Variants in CORO2B observed in about 807,000 individuals in gnomAD.
The protein encoded by CORO2B is coronin-2B.
In CORO2B, 26 loss-of-function variants were observed where a neutral mutation model predicts 58.8. The observed-to-expected ratio is 0.44, with a 90% confidence interval of 0.32 to 0.61. The LOEUF (loss-of-function observed/expected upper bound fraction) is 0.61, where lower values mean the gene tolerates loss of function less well. CORO2B is among the 20% of genes least tolerant of loss of function. The pLI, the probability that CORO2B is intolerant of heterozygous loss-of-function variation, is 0.04. For synonymous variants in CORO2B, 242 were observed against 253.8 expected (o/e 0.95, Z 0.44); for missense variants, 460 against 645.1 (o/e 0.71, Z 3.11).
chr15:68,592,498 C>A (rs186889338), intron 1 of CORO2B, among the ~76,000 whole-genome samples: 49 of 152,224 alleles, frequency 3.2e-4, no homozygotes, highest in African/African-American at 1.2e-3. Flanking sequence ...TACATGAATG[C>A]ATACATGTAT....
Position 68,645,024 on chromosome 15 carries a change from C to T in CORO2B, c.16-136C>T. 1 of 799,186 alleles carries T rather than the reference C, an allele frequency of 1.3e-6. No homozygotes were observed. The highest frequency in any genetic ancestry group is 2.0e-6 in the Non-Finnish European group (1 of 507,020). 49.5% of individuals were successfully genotyped at this position (799,186 alleles called of 1,614,324 possible). ...TTCTTGGATGCTTCTTCCTTTCCAT[C>T]TCTTCCTGACAGGGGACCCAGGGCC... On this transcript the variant is annotated intron_variant, in intron 1 of 11. Transcript: ENST00000261861. This position sits in a 1 kb window ranked among gnomAD's most constrained non-coding sequence, Gnocchi z 4.5.
intron 2 of CORO2B, among the ~76,000 whole-genome samples, chr15:68,651,687 C>T (rs72748523): frequency 0.013 from 1,946 of 152,216 alleles, 18 homozygotes; most frequent in Non-Finnish European, 0.021. Flanking sequence ...AAGTTTTTTC[C>T]CTCCACTATC....
the CORO2B span, among the ~76,000 whole-genome samples, chr15:68,570,799 GTTTTTTTTTTTTTTT>G: frequency 1.3e-5 from 1 of 78,772 alleles, no homozygotes; most frequent in Non-Finnish European, 2.2e-5. Flanking sequence ...ACTACACGTA[GTTTTTTTTTTTTTTT>G]TTTTTTTTTT....
chr15:68,716,974 A>G (rs1205234196), intron 8 of CORO2B, among the ~76,000 whole-genome samples: 2 of 152,140 alleles, frequency 1.3e-5, no homozygotes, highest in South Asian at 2.1e-4. Context: ...TGAGTGGGAC[A>G]TGAGACAACA....
chr15:68,719,093 G>A, intron 9 of CORO2B, 51 bp from the exon 10 acceptor site: 1 of 1,407,596 alleles, frequency 7.1e-7, no homozygotes, highest in Non-Finnish European at 1.0e-6. Flanking sequence ...AAGAGTAGGG[G>A]CTTTCCCAGC....
At chr15:68,551,350 C>T in the CORO2B span, among the ~76,000 whole-genome samples, 4 of 152,206 alleles carry the variant, frequency 2.6e-5, no homozygotes, top group South Asian at 2.1e-4. Flanking sequence ...GGGTCCTCCC[C>T]GCAGGCCCAG....
intron 1 of CORO2B, among the ~76,000 whole-genome samples, chr15:68,599,780 C>T (rs1378887325): frequency 1.3e-5 from 2 of 152,206 alleles, no homozygotes; most frequent in African/African-American, 2.4e-5. Flanking sequence ...ACATGCTTTC[C>T]GGACATCCGG....
chr15:68,660,512 A>G (rs1901979957), intron 2 of CORO2B, among the ~76,000 whole-genome samples: 1 of 152,162 alleles, frequency 6.6e-6, no homozygotes, highest in Non-Finnish European at 1.5e-5. Flanking sequence ...CTGGGACTTC[A>G]GGTGTGCACC....
chr15:68,537,947 A>C, the CORO2B span, among the ~76,000 whole-genome samples: 1 of 152,238 alleles, frequency 6.6e-6, no homozygotes, highest in Non-Finnish European at 1.5e-5. Context: ...CCATTTAATA[A>C]GTATGTGTTG....
the CORO2B span, among the ~76,000 whole-genome samples, chr15:68,551,164 A>T: frequency 6.6e-6 from 1 of 152,086 alleles, no homozygotes; most frequent in Non-Finnish European, 1.5e-5. Flanking sequence ...CAAAGTGGGC[A>T]GACAGGGGTG....
At chr15:68,567,573 T>C in the CORO2B span, among the ~76,000 whole-genome samples, 3 of 152,234 alleles carry the variant, frequency 2.0e-5, no homozygotes, top group Non-Finnish European at 4.4e-5. Context: ...CCCAGAGGAA[T>C]GTATAGGGCT....
At chr15:68,678,011 G>A (rs1206783837) in intron 2 of CORO2B, among the ~76,000 whole-genome samples, 1 of 152,208 alleles carries the variant, frequency 6.6e-6, no homozygotes, top group Non-Finnish European at 1.5e-5. Context: ...CAGCCCCCTG[G>A]CCCAGGAGGC....
At chr15:68,548,999 T>G in the CORO2B span, among the ~76,000 whole-genome samples, 3 of 152,372 alleles carry the variant, frequency 2.0e-5, no homozygotes, top group East Asian at 5.8e-4. Flanking sequence ...TATTGGTTTA[T>G]GTTTTGTTTC....
In CORO2B at chr15:68,726,190, GCCCCTTTC is replaced by G; in HGVS notation, c.*219_*226del. On this transcript the variant is annotated 3_prime_UTR_variant, in exon 12 of 12. Transcript: ENST00000261861. ...AGCTTCTGGAGACCCCCTGCCGGCAGCCCCTTTCCCTGCCACCCCAGGAGCCAGGCTTC... is the reference window on the plus strand; with the variant it reads ...AGCTTCTGGAGACCCCCTGCCGGCAGCCTGCCACCCCAGGAGCCAGGCTTC... The G allele has an allele frequency of 1.8e-6, 1 of 563,410 alleles. No homozygotes were observed. The highest frequency in any genetic ancestry group is 3.0e-6 in the Non-Finnish European group (1 of 332,226). The allele number at this position is 563,410 out of a possible 1,614,324, so 34.9% of individuals were successfully genotyped here. A position where few individuals can be genotyped will look rare whatever the true frequency, so the allele number is the denominator to read the frequency against.
At chr15:68,547,388 T>G in the CORO2B span, among the ~76,000 whole-genome samples, 1 of 152,230 alleles carries the variant, frequency 6.6e-6, no homozygotes, top group South Asian at 2.1e-4. Context: ...CACTGCTTCC[T>G]TTATTTTAAA....
intron 1 of CORO2B, among the ~76,000 whole-genome samples, chr15:68,601,526 G>A (rs1202127915): frequency 6.6e-6 from 1 of 152,342 alleles, no homozygotes; most frequent in East Asian, 1.9e-4. Flanking sequence ...GGAGGGCTAG[G>A]ATGAGGGTGC....
chr15:68,579,365 G>T, intron 1 of CORO2B, 88 bp downstream of exon 1: 2 of 1,175,858 alleles, frequency 1.7e-6, no homozygotes, highest in South Asian at 3.7e-5. Flanking sequence ...GTGTGGGTGT[G>T]GGGAGGGGGC....
chr15:68,632,005 T>G (rs971610147), intron 1 of CORO2B: 1 of 985,276 alleles, frequency 1.0e-6, no homozygotes, highest in African/African-American at 1.7e-5. Flanking sequence ...CTGTTGACCT[T>G]TAGTAATGAG....
At chr15:68,551,488 C>A in the CORO2B span, among the ~76,000 whole-genome samples, 1 of 152,166 alleles carries the variant, frequency 6.6e-6, no homozygotes, top group South Asian at 2.1e-4. Flanking sequence ...AGCTGGGCCT[C>A]CCCGGCCTCC....
Sources: allele counts gnomAD v4.1 joint callset (sites outside exome capture counted in the v4.1 genomes callset), GRCh38; gene constraint gnomAD v4.1.1; non-coding constraint Gnocchi (gnomAD v3.1); transcripts MANE v1.5; gene names NCBI Gene and HGNC (gene_info 2026-07-23, HGNC 2026-07-21).